Variants in IFTAP observed in about 807,000 individuals in gnomAD.
IFTAP encodes intraflagellar transport associated protein, also known as intraflagellar transport-associated protein.
A neutral mutation model predicts 19.4 loss-of-function variants in IFTAP; 19 were observed. The observed-to-expected ratio is 0.98, with a 90% CI of 0.68 to 1.44. The LOEUF (loss-of-function observed/expected upper bound fraction) is 1.44, where lower values mean the gene tolerates loss of function less well. Ranked by LOEUF, IFTAP falls within the 40% of genes most tolerant of loss-of-function variation. The pLI, the probability that IFTAP is intolerant of heterozygous loss-of-function variation, is 0.00. For synonymous variants in IFTAP, 85 were observed against 83.5 expected (o/e 1.02, Z -0.10); for missense variants, 240 against 253.6 (o/e 0.95, Z 0.36).
At chr11:36,613,755 G>A (rs967975487) in intron 2 of IFTAP, among the ~76,000 whole-genome samples, 1 of 152,046 alleles carries the variant, frequency 6.6e-6, no homozygotes, top group African/African-American at 2.4e-5. Context: ...ACTGAAAGAT[G>A]TTAAAATGCC....
In IFTAP at chr11:36,642,538, G is replaced by T. The variant is rs190310050; in HGVS notation, c.359-5478G>T. ...CAGCATGATCCTGATACCAAAGCCTGGCAGAGACACAACAAAAAAAGAGAA... is the reference window on the plus strand; with the variant it reads ...CAGCATGATCCTGATACCAAAGCCTTGCAGAGACACAACAAAAAAAGAGAA... On this transcript the variant is annotated intron_variant, in intron 4 of 5. Coordinates refer to ENST00000334307, the MANE Select transcript of IFTAP (RefSeq NM_138787.4). Among the ~76,000 whole-genome samples, 4 of 152,198 alleles carry T rather than the reference G, an allele frequency of 2.6e-5. No homozygotes were observed. The East Asian group carries it at 5.8e-4, about 22-fold the overall frequency.
chr11:36,605,368 A>G (rs1489711763), intron 1 of IFTAP, among the ~76,000 whole-genome samples: 1 of 142,622 alleles, frequency 7.0e-6, no homozygotes, highest in Non-Finnish European at 1.5e-5. Context: ...GCTTGTGGTG[A>G]TTTGCTTTTT....
At chr11:36,600,431 T>C (rs1025022161) in intron 1 of IFTAP, among the ~76,000 whole-genome samples, 1 of 152,126 alleles carries the variant, frequency 6.6e-6, no homozygotes, top group African/African-American at 2.4e-5. Flanking sequence ...CTCATTGGAG[T>C]GTGAACCCTG....
intron 5 of IFTAP, among the ~76,000 whole-genome samples, chr11:36,648,762 A>G (rs557098091): frequency 6.6e-6 from 1 of 152,214 alleles, no homozygotes; most frequent in South Asian, 2.1e-4. Context: ...AGAGAAGAAC[A>G]TGGGGGCAGC....
At chr11:36,648,568 AAAG>A (rs2133517638) in intron 5 of IFTAP, among the ~76,000 whole-genome samples, 1 of 152,280 alleles carries the variant, frequency 6.6e-6, no homozygotes, top group African/African-American at 2.4e-5. Flanking sequence ...CAATGGCTGA[AAAG>A]AGATAGATGT....
intron 2 of IFTAP, 147 bp downstream of exon 2, chr11:36,610,386 T>C (rs937067328): frequency 1.4e-6 from 1 of 708,452 alleles, no homozygotes; most frequent in African/African-American, 1.8e-5. Flanking sequence ...CACTCGTGAC[T>C]GATGCCCTAA....
intron 1 of IFTAP, among the ~76,000 whole-genome samples, chr11:36,599,883 A>G (rs16929119): frequency 0.11 from 16,242 of 152,270 alleles, 989 homozygotes; most frequent in African/African-American, 0.15. Context: ...TAAAATTGAT[A>G]TATTGGATGT....
chr11:36,640,658 A>T (rs947394773), intron 4 of IFTAP, among the ~76,000 whole-genome samples: 4 of 152,218 alleles, frequency 2.6e-5, no homozygotes, highest in African/African-American at 9.6e-5. Flanking sequence ...CAATGATAAA[A>T]TTGGCAATGG....
chr11:36,659,131 G>A lies in IFTAP; in HGVS notation c.611G>A (p.Cys204Tyr), dbSNP rs1043146493. 10 of 1,608,134 alleles carry A rather than the reference G, an allele frequency of 6.2e-6. No individual in the cohort carries two copies. The Admixed American group carries it at 8.4e-5, about 14-fold the overall frequency. Residue 204 changes from cysteine (C) to tyrosine (Y), a missense_variant, in exon 6 of 6, where the codon TGC becomes TAC. Coordinates refer to ENST00000334307, the MANE Select transcript of IFTAP (RefSeq NM_138787.4). Reference sequence around the variant, plus strand: ...GAGATAGAGAACATCAAAGAGCTATGCAAGCAGCAGAAGAGAAAGGACACC... The same window carrying A: ...GAGATAGAGAACATCAAAGAGCTATACAAGCAGCAGAAGAGAAAGGACACC... ...PAEIENIKEL[C>Y]KQQKRKDTSP...
chr11:36,655,689 G>T (rs116067180), intron 5 of IFTAP, among the ~76,000 whole-genome samples: 1 of 152,098 alleles, frequency 6.6e-6, no homozygotes, highest in East Asian at 1.9e-4. Context: ...CAAATGTGAC[G>T]TTATTACTAT....
At position 36,613,142 on chromosome 11, in the gene IFTAP, GA is replaced by G. The variant is rs976467975; in HGVS notation, c.136+2907del. On this transcript the variant is annotated intron_variant, in intron 2 of 5. Coordinates refer to ENST00000334307, the MANE Select transcript of IFTAP (RefSeq NM_138787.4). ...AAATCAAATTCTAAGATATGTATTA[GA>G]AAATTAGCATGCAGATTTTTAAAAT... is the stretch of plus-strand genomic sequence containing the variant. 9.5e-4 allele frequency among the ~76,000 whole-genome samples: 144 copies of G among 152,098 alleles called. 1 individual carries two copies. The highest frequency in any genetic ancestry group is 3.3e-3 in the African/African-American group (137 of 41,534).
intron 1 of IFTAP, among the ~76,000 whole-genome samples, chr11:36,607,535 C>T (rs1851737557): frequency 6.6e-6 from 1 of 151,756 alleles, no homozygotes; most frequent in African/African-American, 2.4e-5. Context: ...GGCATAAGTA[C>T]TCTCATGTTA....
At chr11:36,604,595 G>A (rs1851626169) in intron 1 of IFTAP, among the ~76,000 whole-genome samples, 1 of 152,100 alleles carries the variant, frequency 6.6e-6, no homozygotes, top group Admixed American at 6.5e-5. Flanking sequence ...GTGGCCTTTT[G>A]AATGTTATTG....
chr11:36,636,237 A>G, intron 4 of IFTAP, 120 bp downstream of exon 4: 2 of 716,112 alleles, frequency 2.8e-6, no homozygotes, highest in East Asian at 2.7e-5. Context: ...GACAGGAAGA[A>G]CTAAAGTTGT....
At chr11:36,654,547 G>A (rs1190122025) in intron 5 of IFTAP, among the ~76,000 whole-genome samples, 1 of 151,994 alleles carries the variant, frequency 6.6e-6, no homozygotes, top group Non-Finnish European at 1.5e-5. Context: ...ATGAGTTGGT[G>A]TTCCTTTGCA....
chr11:36,636,907 T>C (rs931187475), intron 4 of IFTAP, among the ~76,000 whole-genome samples: 1 of 150,478 alleles, frequency 6.6e-6, no homozygotes, highest in African/African-American at 2.5e-5. Flanking sequence ...GTTTGAAATA[T>C]GTTCAAAATC....
chr11:36,600,198 A>G lies in IFTAP; in HGVS notation c.-24+5606A>G, dbSNP rs1851455157. On this transcript the variant is annotated intron_variant, in intron 1 of 5. Coordinates refer to ENST00000334307, the MANE Select transcript of IFTAP (RefSeq NM_138787.4). ...AACTAAATATAAAATAGTAAACTAT[A>G]TTTATTGAGCATCTACTATGTACAA... is the stretch of plus-strand genomic sequence containing the variant. 2.6e-5 allele frequency among the ~76,000 whole-genome samples: 4 copies of G among 152,236 alleles called. No individual in the cohort carries two copies. In the South Asian group the frequency reaches 8.3e-4, roughly 32 times the overall value.
At chr11:36,649,683 G>A (rs1265224219) in intron 5 of IFTAP, among the ~76,000 whole-genome samples, 1 of 152,000 alleles carries the variant, frequency 6.6e-6, no homozygotes, top group African/African-American at 2.4e-5. Flanking sequence ...CCCCATATAT[G>A]GTGGTATATT....
intron 2 of IFTAP, among the ~76,000 whole-genome samples, chr11:36,624,504 C>T (rs571290931): frequency 7.9e-5 from 12 of 152,280 alleles, no homozygotes; most frequent in African/African-American, 2.9e-4. Context: ...ACATGGAGGC[C>T]ATGTGCTTAC....
Sources: gnomAD v4.1 joint callset for allele counts (sites outside exome capture counted in the v4.1 genomes callset) on GRCh38, gnomAD v4.1.1 for gene constraint, MANE v1.5 for transcripts, NCBI Gene and HGNC (gene_info 2026-07-23, HGNC 2026-07-21) for gene names.